Variants in SNRNP48 observed in about 807,000 individuals in gnomAD.
The protein encoded by SNRNP48 is small nuclear ribonucleoprotein U11/U12 subunit 48, also known as U11/U12 small nuclear ribonucleoprotein 48 kDa protein.
A neutral mutation model predicts 47.0 loss-of-function variants in SNRNP48; 43 were observed. That is an observed-to-expected ratio of 0.92 (90% confidence interval 0.72 to 1.18). SNRNP48 has a LOEUF of 1.18. Ranked by LOEUF, SNRNP48 falls within the 50% of genes most tolerant of loss-of-function variation. SNRNP48 has a pLI of 0.00. For synonymous variants in SNRNP48, 138 were observed against 144.0 expected (o/e 0.96, Z 0.30); for missense variants, 396 against 422.2 (o/e 0.94, Z 0.54).
intron 6 of SNRNP48, among the ~76,000 whole-genome samples, chr6:7,604,293 G>C (rs553012427): frequency 6.6e-6 from 1 of 152,340 alleles, no homozygotes; most frequent in East Asian, 1.9e-4. Flanking sequence ...TTCCATGGGA[G>C]AATATAGTGG....
intron 8 of SNRNP48, among the ~76,000 whole-genome samples, chr6:7,607,266 C>T (rs755372047): frequency 2.0e-5 from 3 of 152,146 alleles, no homozygotes; most frequent in East Asian, 1.9e-4. Flanking sequence ...TGCAGTGAGC[C>T]GTGTTCTCAC....
At chr6:7,602,499 T>C (rs540941277) in intron 5 of SNRNP48, 124 bp from the exon 6 acceptor site, 11 of 716,200 alleles carry the variant, frequency 1.5e-5, no homozygotes, top group Non-Finnish European at 2.3e-5. Flanking sequence ...ATACAATTTT[T>C]AGAATGTTTT....
At chr6:7,594,952 C>T in intron 3 of SNRNP48, 75 bp from the exon 4 acceptor site, 1 of 1,309,458 alleles carries the variant, frequency 7.6e-7, no homozygotes, top group Non-Finnish European at 1.1e-6. Flanking sequence ...GGGCTTGGAT[C>T]AGAAACCAGT....
intron 5 of SNRNP48, 87 bp from the exon 6 acceptor site, chr6:7,602,536 A>G: frequency 9.5e-7 from 1 of 1,051,832 alleles, no homozygotes; most frequent in Non-Finnish European, 1.3e-6. Context: ...ACAAGTTAAA[A>G]TATAGGATTG....
chr6:7,606,663 G>C (rs568718921), intron 8 of SNRNP48, among the ~76,000 whole-genome samples: 1 of 152,318 alleles, frequency 6.6e-6, no homozygotes, highest in African/African-American at 2.4e-5. Flanking sequence ...GATAGCTTGA[G>C]AGATGTGAAT....
chr6:7,595,830 G>A (rs1401325215), intron 4 of SNRNP48, among the ~76,000 whole-genome samples: 1 of 152,164 alleles, frequency 6.6e-6, no homozygotes, highest in Non-Finnish European at 1.5e-5. Context: ...TAATTTCAGA[G>A]GATTCATATT....
chr6:7,609,461 G>C lies in SNRNP48; in HGVS notation c.*588G>C, dbSNP rs923316565. On this transcript the variant is annotated 3_prime_UTR_variant, in exon 9 of 9. Coordinates refer to ENST00000342415, the MANE Select transcript of SNRNP48 (RefSeq NM_152551.4). ...TGGTCTCAAAAACATAATGCTCAGT[G>C]AAAATAGCAAGTTGTAGAAAGTTAT... The C allele has an allele frequency of 6.6e-6, 1 of 152,164 alleles. No individual in the cohort carries two copies. Among genetic ancestry groups the C allele is most frequent in the Admixed American group, 6.5e-5 (1 of 15,284 alleles). The allele number at this position is 152,164 out of a possible 1,614,324, so 9.4% of individuals were successfully genotyped here. A position where few individuals can be genotyped will look rare whatever the true frequency, so the allele number is the denominator to read the frequency against.
rs1251157334 is a variant in SNRNP48 at position 7,606,306 on chromosome 6, G to A, written c.971+111G>A. 10 of 1,079,402 alleles carry A rather than the reference G, an allele frequency of 9.3e-6. No individual in the cohort carries two copies. In the African/African-American group the frequency reaches 1.6e-4, roughly 17 times the overall value. 66.9% of individuals were successfully genotyped at this position (1,079,402 alleles called of 1,614,324 possible). A position where few individuals can be genotyped will look rare whatever the true frequency, so the allele number is the denominator to read the frequency against. On this transcript the variant is annotated intron_variant, in intron 8 of 8. Coordinates refer to ENST00000342415, the MANE Select transcript of SNRNP48 (RefSeq NM_152551.4). ...AAATAGATTTTAAGAATAAGCTAAA[G>A]TAAGGAGAGTAAACAATTGACGATG...
chr6:7,608,134 T>C (rs1760166183), intron 8 of SNRNP48, among the ~76,000 whole-genome samples: 1 of 152,190 alleles, frequency 6.6e-6, no homozygotes, highest in Non-Finnish European at 1.5e-5. Context: ...TAATCTTTGA[T>C]ATCCAACCCT....
intron 6 of SNRNP48, among the ~76,000 whole-genome samples, chr6:7,603,170 A>G (rs528524433): frequency 6.6e-6 from 1 of 152,328 alleles, no homozygotes; most frequent in South Asian, 2.1e-4. Flanking sequence ...GACTGACAGA[A>G]TGTATGCAAA....
At position 7,610,938 on chromosome 6, in the gene SNRNP48, AT is replaced by A. The variant is rs1760223535; in HGVS notation, c.*2069del. On this transcript the variant is annotated 3_prime_UTR_variant, in exon 9 of 9. Transcript: ENST00000342415. ...CATAGGTGTTAATCTGTAATTTTAA[AT>A]TTTGACAAAAGCATTTTCACAGCCC... 6.6e-6 allele frequency: 1 copy of A among 152,194 alleles called. No homozygotes were observed. The highest frequency in any genetic ancestry group is 6.5e-5 in the Admixed American group (1 of 15,282). 9.4% of individuals were successfully genotyped at this position (152,194 alleles called of 1,614,324 possible).
chr6:7,602,010 C>T (rs1760032422), intron 5 of SNRNP48, among the ~76,000 whole-genome samples: 1 of 152,064 alleles, frequency 6.6e-6, no homozygotes, highest in African/African-American at 2.4e-5. Context: ...TGTGCCACCA[C>T]ACCTGGCTAC....
chr6:7,592,569 TGA>T (rs1759836884), intron 1 of SNRNP48, among the ~76,000 whole-genome samples: 1 of 152,140 alleles, frequency 6.6e-6, no homozygotes, highest in African/African-American at 2.4e-5. Context: ...AATCACTTTG[TGA>T]GAGAGGTCCT....
chr6:7,603,981 T>G (rs1760080859), intron 6 of SNRNP48, among the ~76,000 whole-genome samples: 1 of 152,218 alleles, frequency 6.6e-6, no homozygotes, highest in Admixed American at 6.5e-5. Flanking sequence ...GTCTAAGGAA[T>G]GTACCCATCA....
At chr6:7,605,540 A>G (rs1241049912) in intron 7 of SNRNP48, 54 bp downstream of exon 7, 9 of 1,480,212 alleles carry the variant, frequency 6.1e-6, no homozygotes, top group Non-Finnish European at 7.5e-6. Context: ...ACAGATAACA[A>G]TTAACTTATA....
At chr6:7,600,094 A>G in intron 4 of SNRNP48, 1 of 995,280 alleles carries the variant, frequency 1.0e-6, no homozygotes, top group South Asian at 4.4e-5. Flanking sequence ...GCCTACTATA[A>G]TTAGAATAAA....
intron 4 of SNRNP48, chr6:7,600,193 C>A: frequency 1.0e-6 from 1 of 988,016 alleles, no homozygotes; most frequent in Non-Finnish European, 1.2e-6. Flanking sequence ...TATGTATAGC[C>A]GTGTTAAACC....
intron 2 of SNRNP48, 85 bp downstream of exon 2, chr6:7,593,932 G>C: frequency 8.9e-7 from 1 of 1,119,178 alleles, no homozygotes; most frequent in Non-Finnish European, 1.3e-6. Context: ...TACAATGTGA[G>C]GTTCACTGAC....
Position 7,592,577 on chromosome 6 carries a change from G to T in SNRNP48, c.157-1157G>T, listed in dbSNP as rs533757295. 7.2e-5 allele frequency among the ~76,000 whole-genome samples: 11 copies of T among 152,126 alleles called. No homozygotes were observed. In the South Asian group the frequency reaches 2.3e-3, roughly 32 times the overall value. On this transcript the variant is annotated intron_variant, in intron 1 of 8. Coordinates refer to ENST00000342415, the MANE Select transcript of SNRNP48 (RefSeq NM_152551.4). The stretch of plus-strand genomic sequence containing the variant: ...TCTTCACAATCACTTTGTGAGAGAG[G>T]TCCTGCTATTATTTTTATTTTATAT...
Sources: gnomAD v4.1 joint callset for allele counts (sites outside exome capture counted in the v4.1 genomes callset) on GRCh38, gnomAD v4.1.1 for gene constraint, MANE v1.5 for transcripts, NCBI Gene and HGNC (gene_info 2026-07-23, HGNC 2026-07-21) for gene names.